F2: variants seen among roughly 807,000 people sequenced by gnomAD.
The protein encoded by F2 is prothrombin.
In F2, 34 loss-of-function variants were observed where a neutral mutation model predicts 81.9. The ratio of observed to expected loss-of-function variants is 0.42; its 90% CI spans 0.32 to 0.55. The LOEUF (loss-of-function observed/expected upper bound fraction) is 0.55, where lower values mean the gene tolerates loss of function less well. F2 is among the 20% of genes least tolerant of loss of function. The pLI is 0.18. For synonymous variants in F2, 296 were observed against 326.4 expected (o/e 0.91, Z 1.01); for missense variants, 630 against 833.4 (o/e 0.76, Z 3.00).
At position 46,719,717 on chromosome 11, in the gene F2, A is replaced by G; in HGVS notation, c.95A>G (p.Gln32Arg). The G allele has an allele frequency of 6.3e-7, 1 of 1,592,740 alleles. No homozygotes were observed. Among genetic ancestry groups the G allele is most frequent in the Non-Finnish European group, 8.5e-7 (1 of 1,170,930 alleles). The change falls in exon 2 of 14, where the codon CAG (glutamine) becomes CGG (arginine). Residue 32 changes from glutamine (Q) to arginine (R), a missense_variant. Gln to Arg is a conservative substitution (Grantham distance 43, BLOSUM62 1). Coordinates refer to ENST00000311907, the MANE Select transcript of F2 (RefSeq NM_000506.5). The surrounding 1 kb of genome is among the most constrained non-coding windows in gnomAD (Gnocchi z 4.7). ...CGCCTTACAGTGTTCCTGGCTCCTCAGCAAGCACGGTCGCTGCTCCAGCGG... is the reference window on the plus strand; with the variant it reads ...CGCCTTACAGTGTTCCTGGCTCCTCGGCAAGCACGGTCGCTGCTCCAGCGG... ...VHSQHVFLAPQQARSLLQRVR... is the reference protein window; with the variant it reads ...VHSQHVFLAPRQARSLLQRVR...
At position 46,729,438 on chromosome 11, in the gene F2, T is replaced by C; in HGVS notation, c.1531T>C (p.Trp511Arg). 1 of 1,614,094 alleles carries C rather than the reference T, an allele frequency of 6.2e-7. No homozygotes were observed. The highest frequency in any genetic ancestry group is 8.5e-7 in the Non-Finnish European group (1 of 1,180,010). The change falls in exon 12 of 14, where the codon TGG (tryptophan) becomes CGG (arginine). Residue 511 changes from tryptophan to arginine, a missense_variant. Physicochemically the swap from Trp to Arg is moderately radical, Grantham distance 101 (BLOSUM62 -3). Transcript: ENST00000311907. ...AGGCTGGGGCAACCTGAAGGAGACGTGGACAGCCAACGTTGGTAAGGGGCA... is the reference window on the plus strand; with the variant it reads ...AGGCTGGGGCAACCTGAAGGAGACGCGGACAGCCAACGTTGGTAAGGGGCA... ...VTGWGNLKET[W>R]TANVGKGQPS...
intron 12 of F2, 117 bp from the exon 13 acceptor site, chr11:46,738,930 GT>G: frequency 2.0e-6 from 2 of 1,000,396 alleles, no homozygotes; most frequent in Non-Finnish European, 3.2e-6. Flanking sequence ...GGGTGAGGAA[GT>G]GGGGACAGCA....
intron 6 of F2, among the ~76,000 whole-genome samples, chr11:46,725,552 T>G (rs1592411882): frequency 6.6e-6 from 1 of 152,062 alleles, no homozygotes; most frequent in African/African-American, 2.4e-5. Context: ...AAAACATGAC[T>G]CCTCCAGCAG....
chr11:46,731,823 T>C (rs1057011488), intron 12 of F2, among the ~76,000 whole-genome samples: 2 of 152,076 alleles, frequency 1.3e-5, no homozygotes, highest in Non-Finnish European at 2.9e-5. Flanking sequence ...TCTGACCTCT[T>C]GAGGAAGGCA....
Position 46,728,823 on chromosome 11 carries a change from G to A in F2, c.1458G>A (p.Arg486=), listed in dbSNP as rs754101896. 1.2e-6 allele frequency: 2 copies of A among 1,613,800 alleles called. No individual in the cohort carries two copies. The highest frequency in any genetic ancestry group is 2.2e-5 in the East Asian group (1 of 44,888). The change falls in exon 11 of 14, where the codon AGG becomes AGA. Residue 486 remains arginine (R), a synonymous_variant. Coordinates refer to ENST00000311907, the MANE Select transcript of F2 (RefSeq NM_000506.5). The surrounding 1 kb of genome is among the most constrained non-coding windows in gnomAD (Gnocchi z 5.1). ...TTCACCCTGTGTGTCTGCCCGACAG[G>A]GAGACGGCAGCCAGGTGGGCCACCA... ...DYIHPVCLPD[R]ETAASLLQAG... is the part of the protein sequence containing the mutation.
intron 13 of F2, 21 bp downstream of exon 13, chr11:46,739,139 G>A (rs890573643): frequency 3.1e-5 from 50 of 1,614,082 alleles, no homozygotes; most frequent in Non-Finnish European, 4.1e-5. Flanking sequence ...CTAAAGCCCA[G>A]GGCCTGGTGA....
At chr11:46,725,101 ACT>A (rs1490606142) in intron 6 of F2, among the ~76,000 whole-genome samples, 2 of 82,820 alleles carry the variant, frequency 2.4e-5, no homozygotes, top group Admixed American at 1.8e-4. Flanking sequence ...ATGGAGTCTC[ACT>A]CTGTCACCCA....
rs561266097 is a variant in F2 at position 46,726,632 on chromosome 11, G to A, written c.1003+6G>A. The A allele has an allele frequency of 1.2e-6, 2 of 1,613,616 alleles. No individual in the cohort carries two copies. Among genetic ancestry groups the A allele is most frequent in the South Asian group, 1.1e-5 (1 of 91,080 alleles). On this transcript the variant is annotated splice_donor_region_variant and intron_variant, in intron 8 of 13. Transcript: ENST00000311907. The surrounding 1 kb of genome is among the most constrained non-coding windows in gnomAD (Gnocchi z 5.9). The stretch of plus-strand genomic sequence containing the variant: ...CTTTGGCTCGGGAGAGGCAGGTGAG[G>A]TAGTGGGCATCCGAGGGGATGCGGG...
intron 12 of F2, among the ~76,000 whole-genome samples, chr11:46,736,345 C>T (rs2064944307): frequency 6.6e-6 from 1 of 152,216 alleles, no homozygotes; most frequent in East Asian, 1.9e-4. Context: ...TTTCAAACTC[C>T]TGGCTGGGCT....
Position 46,719,794 on chromosome 11 carries a change from C to A in F2, c.172C>A (p.Arg58=). The A allele has an allele frequency of 6.3e-6, 10 of 1,596,128 alleles. No individual in the cohort carries two copies. The highest frequency in any genetic ancestry group is 8.5e-6 in the Non-Finnish European group (10 of 1,172,294). Reference sequence around the variant, plus strand: ...GGAGGTGCGCAAGGGCAACCTGGAGCGAGAGTGCGTGGAGGAGACGTGCAG... The same window carrying A: ...GGAGGTGCGCAAGGGCAACCTGGAGAGAGAGTGCGTGGAGGAGACGTGCAG... ...LEEVRKGNLE[R]ECVEETCSYE... Residue 58 remains arginine, a synonymous_variant, in exon 2 of 14, where the codon CGA becomes AGA. Transcript: ENST00000311907. The surrounding 1 kb of genome is among the most constrained non-coding windows in gnomAD (Gnocchi z 4.7).
chr11:46,719,591 A>G lies in F2; in HGVS notation c.80-111A>G, dbSNP rs1195453216. 1.4e-6 allele frequency: 2 copies of G among 1,402,574 alleles called. No homozygotes were observed. The highest frequency in any genetic ancestry group is 2.8e-5 in the African/African-American group (2 of 70,324). The allele number at this position is 1,402,574 out of a possible 1,614,324, so 86.9% of individuals were successfully genotyped here. On this transcript the variant is annotated intron_variant, in intron 1 of 13. Coordinates refer to ENST00000311907, the MANE Select transcript of F2 (RefSeq NM_000506.5). The surrounding 1 kb of genome is among the most constrained non-coding windows in gnomAD (Gnocchi z 4.7). The stretch of plus-strand genomic sequence containing the variant: ...TCCAGGCACTTCCACCAGCCCAGAC[A>G]GCCTCTCTCAGAAGCCAGCAGGGGA...
chr11:46,728,573 C>CA lies in F2; in HGVS notation c.1299-90dup. The CA allele has an allele frequency of 1.4e-6, 2 of 1,451,740 alleles. No individual in the cohort carries two copies. The highest frequency in any genetic ancestry group is 9.6e-7 in the Non-Finnish European group (1 of 1,038,936). The allele number at this position is 1,451,740 out of a possible 1,614,324, so 89.9% of individuals were successfully genotyped here. A position where few individuals can be genotyped will look rare whatever the true frequency, so the allele number is the denominator to read the frequency against. ...CCCCTCCCTGGTGGCCTGCAGGACA[C>CA]ACTGTCTCCCAGACCCCAAGGGCAG... On this transcript the variant is annotated intron_variant, in intron 10 of 13. Coordinates refer to ENST00000311907, the MANE Select transcript of F2 (RefSeq NM_000506.5). This position sits in a 1 kb window ranked among gnomAD's most constrained non-coding sequence, Gnocchi z 5.1.
Position 46,719,804 on chromosome 11 carries a change from T to C in F2, c.182T>C (p.Val61Ala). The C allele has an allele frequency of 6.3e-7, 1 of 1,594,130 alleles. No individual in the cohort carries two copies. Among genetic ancestry groups the C allele is most frequent in the East Asian group, 2.3e-5 (1 of 44,094 alleles). ...AAGGGCAACCTGGAGCGAGAGTGCG[T>C]GGAGGAGACGTGCAGCTACGAGGAG... ...VRKGNLEREC[V>A]EETCSYEEAF... Residue 61 changes from valine (V) to alanine (A), a missense_variant, in exon 2 of 14, where the codon GTG (valine) becomes GCG (alanine). Transcript: ENST00000311907. This position sits in a 1 kb window ranked among gnomAD's most constrained non-coding sequence, Gnocchi z 4.7.
At chr11:46,738,976 C>A in intron 12 of F2, 72 bp from the exon 13 acceptor site, 1 of 1,490,952 alleles carries the variant, frequency 6.7e-7, no homozygotes. Context: ...CTCTCACCAG[C>A]TGTGTCTCGT....
rs751494277 is a variant in F2 at position 46,719,759 on chromosome 11, C to T, written c.137C>T (p.Thr46Ile). 2 of 1,598,088 alleles carry T rather than the reference C, an allele frequency of 1.3e-6. No homozygotes were observed. Among genetic ancestry groups the T allele is most frequent in the Non-Finnish European group, 8.5e-7 (1 of 1,173,488 alleles). Residue 46 changes from threonine to isoleucine, a missense_variant, in exon 2 of 14, where the codon ACC becomes ATC. Coordinates refer to ENST00000311907, the MANE Select transcript of F2 (RefSeq NM_000506.5). This position sits in a 1 kb window ranked among gnomAD's most constrained non-coding sequence, Gnocchi z 4.7. ...CTCCAGCGGGTCCGGCGAGCCAACACCTTCTTGGAGGAGGTGCGCAAGGGC... is the reference window on the plus strand; with the variant it reads ...CTCCAGCGGGTCCGGCGAGCCAACATCTTCTTGGAGGAGGTGCGCAAGGGC... ...SLLQRVRRAN[T>I]FLEEVRKGNL...
rs1455199688 is a variant in F2 at position 46,728,649 on chromosome 11, T to C, written c.1299-15T>C. 1 of 1,613,624 alleles carries C rather than the reference T, an allele frequency of 6.2e-7. No homozygotes were observed. Among genetic ancestry groups the C allele is most frequent in the Admixed American group, 1.7e-5 (1 of 60,026 alleles). ...AACCTGCAGCTTCTCCATTTCTTTC[T>C]TGGGGTCTCTGCAGGTACGAGCGAA... On this transcript the variant is annotated splice_polypyrimidine_tract_variant and intron_variant, in intron 10 of 13. Transcript: ENST00000311907. The surrounding 1 kb of genome is among the most constrained non-coding windows in gnomAD (Gnocchi z 5.1).
Position 46,719,698 on chromosome 11 carries a change from A to ACAGT in F2, c.80-3_80dup, listed in dbSNP as rs1190503594. On this transcript the variant is annotated splice_polypyrimidine_tract_variant and splice_region_variant and intron_variant, in intron 1 of 13. Coordinates refer to ENST00000311907, the MANE Select transcript of F2 (RefSeq NM_000506.5). The surrounding 1 kb of genome is among the most constrained non-coding windows in gnomAD (Gnocchi z 4.7). Reference sequence around the variant, plus strand: ...TGTCCCATGACCCCCCCACCGCCTTACAGTGTTCCTGGCTCCTCAGCAAGC... The same window carrying ACAGT: ...TGTCCCATGACCCCCCCACCGCCTTACAGTCAGTGTTCCTGGCTCCTCAGCAAGC... 6.3e-7 allele frequency: 1 copy of ACAGT among 1,586,500 alleles called. No individual in the cohort carries two copies. The highest frequency in any genetic ancestry group is 8.6e-7 in the Non-Finnish European group (1 of 1,167,376).
intron 12 of F2, among the ~76,000 whole-genome samples, chr11:46,730,887 T>C (rs2064907295): frequency 6.7e-6 from 1 of 148,902 alleles, no homozygotes; most frequent in South Asian, 2.1e-4. Context: ...TACCCAAGGA[T>C]GTTCTCTTAT....
chr11:46,720,387 C>A, intron 2 of F2, 136 bp from the exon 3 acceptor site: 1 of 961,104 alleles, frequency 1.0e-6, no homozygotes, highest in Non-Finnish European at 1.7e-6. Flanking sequence ...AAGTAGGAAA[C>A]TCTGCCACAA....
Sources: allele counts gnomAD v4.1 joint callset (sites outside exome capture counted in the v4.1 genomes callset), GRCh38; gene constraint gnomAD v4.1.1; non-coding constraint Gnocchi (gnomAD v3.1); transcripts MANE v1.5; gene names NCBI Gene and HGNC (gene_info 2026-07-23, HGNC 2026-07-21).